The following COL4A6 variants were observed in gnomAD, a reference collection of about 807,000 sequenced individuals.
The protein encoded by COL4A6 is collagen alpha-6(IV) chain.
In COL4A6, 59 loss-of-function variants were observed where a neutral mutation model predicts 126.7. The ratio of observed to expected loss-of-function variants is 0.47; its 90% CI spans 0.38 to 0.58. The LOEUF (loss-of-function observed/expected upper bound fraction) is 0.58. COL4A6 is among the 20% of genes least tolerant of loss of function. The pLI, the probability that COL4A6 is intolerant of heterozygous loss-of-function variation, is 0.00. For synonymous variants in COL4A6, 547 were observed against 496.6 expected (o/e 1.10, Z -1.35); for missense variants, 1,285 against 1,337.3 (o/e 0.96, Z 0.61).
At chrX:108,190,927 T>G (rs1796054316) in intron 19 of COL4A6, among the ~76,000 whole-genome samples, 2 of 111,839 alleles carry the variant, frequency 1.8e-5, no homozygotes, top group African/African-American at 6.5e-5. Flanking sequence ...AATCTCACAC[T>G]CAAGTAGGAG....
At position 108,180,980 on chromosome X, in the gene COL4A6, A is replaced by T. The variant is rs1187756766; in HGVS notation, c.1952-12T>A. On this transcript the variant is annotated splice_polypyrimidine_tract_variant and intron_variant, in intron 23 of 44. Coordinates refer to ENST00000334504, the MANE Select transcript of COL4A6 (RefSeq NM_033641.4). Reference sequence around the variant, plus strand: ...GGGCAGGGTGATTCCTGTAAATGGTAACATGTGTGCATTCAGTGAACCCAG... The same window carrying T: ...GGGCAGGGTGATTCCTGTAAATGGTTACATGTGTGCATTCAGTGAACCCAG... The T allele has an allele frequency of 1.5e-5, 18 of 1,191,824 alleles. No homozygotes were observed. Among genetic ancestry groups the T allele is most frequent in the Non-Finnish European group, 2.1e-5 (18 of 877,856 alleles).
chrX:108,169,759 T>A (rs780217195), intron 36 of COL4A6, 139 bp from the exon 37 acceptor site: 9 of 946,365 alleles, frequency 9.5e-6, no homozygotes, highest in African/African-American at 2.0e-5. Flanking sequence ...AGAAAGTTAA[T>A]CTGAGTAGAA....
chrX:108,412,338 A>T (rs2041348739), intron 2 of COL4A6, among the ~76,000 whole-genome samples: 1 of 112,244 alleles, frequency 8.9e-6, no homozygotes, highest in African/African-American at 3.2e-5. Flanking sequence ...AATATTAGAT[A>T]CATCAGTATA....
At chrX:108,365,800 G>T (rs1386627866) in intron 2 of COL4A6, among the ~76,000 whole-genome samples, 1 of 111,887 alleles carries the variant, frequency 8.9e-6, no homozygotes. Flanking sequence ...ATTTTGAGTA[G>T]TGATGAAGGT....
intron 2 of COL4A6, among the ~76,000 whole-genome samples, chrX:108,390,533 C>A (rs2040812850): frequency 1.8e-5 from 2 of 108,328 alleles, no homozygotes; most frequent in Admixed American, 2.0e-4. Flanking sequence ...GCTGTTGATA[C>A]TTGTGTATGC....
chrX:108,282,127 A>G (rs1352337728), intron 3 of COL4A6, among the ~76,000 whole-genome samples: 1 of 109,517 alleles, frequency 9.1e-6, no homozygotes, highest in East Asian at 2.9e-4. Flanking sequence ...AATGACAACA[A>G]AAGCCAAAAT....
At chrX:108,345,618 A>G (rs1421451059) in intron 2 of COL4A6, among the ~76,000 whole-genome samples, 3 of 111,667 alleles carry the variant, frequency 2.7e-5, no homozygotes, top group African/African-American at 9.8e-5. Flanking sequence ...GGAGTGTGGT[A>G]CAGTATGGCT....
At chrX:108,391,734 C>A (rs1247940222) in intron 2 of COL4A6, among the ~76,000 whole-genome samples, 1 of 112,091 alleles carries the variant, frequency 8.9e-6, no homozygotes, top group Non-Finnish European at 1.9e-5. Context: ...CCAGTACAGT[C>A]TCTCATGGCT....
chrX:108,436,921 A>T (rs1225009137), intron 2 of COL4A6, among the ~76,000 whole-genome samples: 1 of 111,909 alleles, frequency 8.9e-6, no homozygotes, highest in African/African-American at 3.3e-5. Flanking sequence ...AAAATATTTA[A>T]AATATTAAAA....
At chrX:108,417,952 A>G (rs2041465385) in intron 2 of COL4A6, among the ~76,000 whole-genome samples, 1 of 112,251 alleles carries the variant, frequency 8.9e-6, no homozygotes, top group South Asian at 3.7e-4. Context: ...GCCATTTTAA[A>G]AAACAAGTAC....
At chrX:108,327,966 C>A (rs2147963466) in intron 2 of COL4A6, among the ~76,000 whole-genome samples, 1 of 111,081 alleles carries the variant, frequency 9.0e-6, no homozygotes, top group South Asian at 3.8e-4. Flanking sequence ...CTTCATGAAT[C>A]CATAATGGTA....
chrX:108,254,805 G>T (rs719116), intron 3 of COL4A6, among the ~76,000 whole-genome samples: 24,546 of 109,420 alleles, frequency 0.22, 2,534 homozygotes, highest in East Asian at 0.57. Context: ...GAATTGTGTG[G>T]AATGGAATAG....
chrX:108,185,848 G>A (rs1419934022), intron 23 of COL4A6, among the ~76,000 whole-genome samples: 1 of 111,948 alleles, frequency 8.9e-6, no homozygotes, highest in African/African-American at 3.3e-5. Context: ...GGAGGTCAAG[G>A]GAAAGCTTAA....
At position 108,169,868 on chromosome X, in the gene COL4A6, C is replaced by T. The variant is rs182861256; in HGVS notation, c.3565+77G>A. 144 of 984,230 alleles carry T rather than the reference C, an allele frequency of 1.5e-4. 1 individual carries two copies. The highest frequency in any genetic ancestry group is 1.9e-4 in the Non-Finnish European group (137 of 709,879). The allele number at this position is 984,230 out of a possible 1,213,427, so 81.1% of individuals were successfully genotyped here. A position where few individuals can be genotyped will look rare whatever the true frequency, so the allele number is the denominator to read the frequency against. On this transcript the variant is annotated intron_variant, in intron 36 of 44. Transcript: ENST00000334504. ...CCAAGGATATGGGATACACCACAGTCGAGAATTCATGGCCAGCCCTTGCCA... is the reference window on the plus strand; with the variant it reads ...CCAAGGATATGGGATACACCACAGTTGAGAATTCATGGCCAGCCCTTGCCA...
chrX:108,188,691 A>G lies in COL4A6; in HGVS notation c.1427-14T>C. On this transcript the variant is annotated splice_polypyrimidine_tract_variant and intron_variant, in intron 20 of 44. Transcript: ENST00000334504. ...AACCTGAGTCTCCTGGGAGAAAAAG[A>G]CAACATAGAACGAAGTGGGTCATTT... 1 of 1,127,175 alleles carries G rather than the reference A, an allele frequency of 8.9e-7. No homozygotes were observed. The highest frequency in any genetic ancestry group is 1.2e-6 in the Non-Finnish European group (1 of 853,588). 92.9% of individuals were successfully genotyped at this position (1,127,175 alleles called of 1,213,427 possible).
At chrX:108,317,847 G>T (rs1345032461) in intron 2 of COL4A6, among the ~76,000 whole-genome samples, 141 of 112,002 alleles carry the variant, frequency 1.3e-3, no homozygotes, top group Non-Finnish European at 2.1e-3. Context: ...AGTATAGTTT[G>T]AAGTCAGGTA....
At chrX:108,175,522 T>A in intron 29 of COL4A6, 132 bp downstream of exon 29, 1 of 770,827 alleles carries the variant, frequency 1.3e-6, no homozygotes, top group Non-Finnish European at 1.9e-6. Context: ...TAAAAGGACT[T>A]AATTCAGAAG....
intron 2 of COL4A6, among the ~76,000 whole-genome samples, chrX:108,405,470 C>A (rs2041187377): frequency 9.0e-6 from 1 of 111,381 alleles, no homozygotes; most frequent in African/African-American, 3.3e-5. Flanking sequence ...CAGGCATGAG[C>A]CACTGTGCCC....
At chrX:108,242,136 C>G (rs2036590276) in intron 3 of COL4A6, among the ~76,000 whole-genome samples, 1 of 110,284 alleles carries the variant, frequency 9.1e-6, no homozygotes, top group Admixed American at 9.7e-5. Context: ...GCAGATTTTA[C>G]CAGTTTTTAT....
Sources: gnomAD v4.1 joint callset for allele counts (sites outside exome capture counted in the v4.1 genomes callset) on GRCh38, gnomAD v4.1.1 for gene constraint, MANE v1.5 for transcripts, NCBI Gene and HGNC (gene_info 2026-07-23, HGNC 2026-07-21) for gene names.